The following RDH5 variants were observed in gnomAD, a reference collection of about 807,000 sequenced individuals.
The protein encoded by RDH5 is 11-cis RDH.
A neutral mutation model predicts 24.0 loss-of-function variants in RDH5; 25 were observed. The ratio of observed to expected loss-of-function variants is 1.04; its 90% CI spans 0.76 to 1.46. The LOEUF is 1.46. RDH5 is among the 40% of genes most tolerant of loss of function. The pLI, the probability that RDH5 is intolerant of heterozygous loss-of-function variation, is 0.00. For missense variants in RDH5, 369 were observed against 410.3 expected (o/e 0.90, Z 0.87); for synonymous variants, 170 against 175.2 (o/e 0.97, Z 0.23).
At chr12:55,723,657 C>A in intron 3 of RDH5, 1 of 558,370 alleles carries the variant, frequency 1.8e-6, no homozygotes, top group South Asian at 2.0e-5. Flanking sequence ...AACTCTCTGG[C>A]CCTTTAAGAA....
chr12:55,721,781 G>A lies in RDH5; in HGVS notation c.403G>A (p.Val135Met). Residue 135 changes from valine (V) to methionine (M), a missense_variant, in exon 3 of 5, where the codon GTG becomes ATG. Physicochemically the swap from Val to Met is conservative, Grantham distance 21. Transcript: ENST00000257895. The surrounding 1 kb of genome is among the most constrained non-coding windows in gnomAD (Gnocchi z 4.7). ...GGACGATTTCCAGCGGGTGCTGAATGTGAACACAATGGGTCCCATCGGGGT... is the reference window on the plus strand; with the variant it reads ...GGACGATTTCCAGCGGGTGCTGAATATGAACACAATGGGTCCCATCGGGGT... ...TRDDFQRVLN[V>M]NTMGPIGVTL... 6.2e-7 allele frequency: 1 copy of A among 1,614,052 alleles called. No individual in the cohort carries two copies. Among genetic ancestry groups the A allele is most frequent in the Non-Finnish European group, 8.5e-7 (1 of 1,180,030 alleles).
At position 55,721,656 on chromosome 12, in the gene RDH5, C is replaced by T. The variant is rs1876925607; in HGVS notation, c.311-33C>T. On this transcript the variant is annotated intron_variant, in intron 2 of 4. Transcript: ENST00000257895. The surrounding 1 kb of genome is among the most constrained non-coding windows in gnomAD (Gnocchi z 4.7). ...AAGAGGGAGCTGTGGGAGTGCCTCA[C>T]CTACCCCCAGCATCCTTTTCATCTC... 3.1e-6 allele frequency: 5 copies of T among 1,604,508 alleles called. No homozygotes were observed. The highest frequency in any genetic ancestry group is 4.2e-6 in the Non-Finnish European group (5 of 1,179,910).
In RDH5 at chr12:55,724,511, G is replaced by A. The variant is rs147986326; in HGVS notation, c.923G>A (p.Trp308Ter). The change falls in exon 5 of 5, where the codon TGG becomes TAG. Residue 308 changes from tryptophan to a stop codon, truncating the protein, a stop_gained. Transcript: ENST00000257895. LOFTEE classifies it high-confidence loss of function. ...AGCCTGGTGGATGCTGTGCTCACCT[G>A]GGTCCTTCCCAAGCCTGCCCAAGCA... is the stretch of plus-strand genomic sequence containing the variant. Reference protein sequence around the residue: ...PASLVDAVLTWVLPKPAQAVY With the variant: ...PASLVDAVLT 4 of 1,612,924 alleles carry A rather than the reference G, an allele frequency of 2.5e-6. No homozygotes were observed. Among genetic ancestry groups the A allele is most frequent in the Non-Finnish European group, 3.4e-6 (4 of 1,180,020 alleles).
At position 55,721,519 on chromosome 12, in the gene RDH5, T is replaced by C. The variant is rs753325541; in HGVS notation, c.310+25T>C. On this transcript the variant is annotated intron_variant, in intron 2 of 4. Transcript: ENST00000257895. The surrounding 1 kb of genome is among the most constrained non-coding windows in gnomAD (Gnocchi z 4.7). Reference sequence around the variant, plus strand: ...GGTAAGTATGGTAGACCACCAGGAATATGGTGTGGGGTGTCCTGATCCCCA... The same window carrying C: ...GGTAAGTATGGTAGACCACCAGGAACATGGTGTGGGGTGTCCTGATCCCCA... 6.2e-7 allele frequency: 1 copy of C among 1,601,822 alleles called. No individual in the cohort carries two copies.
chr12:55,723,537 C>T (rs1052810922), intron 3 of RDH5: 2 of 319,678 alleles, frequency 6.3e-6, no homozygotes, highest in Non-Finnish European at 6.1e-6. Context: ...CAGCTGCCTA[C>T]AAGCTGATAA....
chr12:55,721,816 CCTGCTGCCT>C lies in RDH5; in HGVS notation c.446_454del (p.Pro149_Leu151del), dbSNP rs1368490992. ...TGGGTCCCATCGGGGTCACCCTTGCCCTGCTGCCTCTGCTGCAGCAAGCCCGGGGCCGGG... is the reference window on the plus strand; with the variant it reads ...TGGGTCCCATCGGGGTCACCCTTGCCCTGCTGCAGCAAGCCCGGGGCCGGG... On this transcript the variant is annotated inframe_deletion, in exon 3 of 5. Transcript: ENST00000257895. The surrounding 1 kb of genome is among the most constrained non-coding windows in gnomAD (Gnocchi z 4.7). 1.2e-6 allele frequency: 2 copies of C among 1,613,938 alleles called. No individual in the cohort carries two copies. The highest frequency in any genetic ancestry group is 1.7e-6 in the Non-Finnish European group (2 of 1,180,018).
In RDH5 at chr12:55,721,117, C is replaced by T; in HGVS notation, c.-32-36C>T. ...GTATTAGGGGAAAGGGCTTGAGGGC[C>T]ACAGTAAACTGGACAAGTTTTTCTG... On this transcript the variant is annotated intron_variant, in intron 1 of 4. Transcript: ENST00000257895. The surrounding 1 kb of genome is among the most constrained non-coding windows in gnomAD (Gnocchi z 4.7). The T allele has an allele frequency of 1.4e-6, 2 of 1,439,582 alleles. No homozygotes were observed. The highest frequency in any genetic ancestry group is 2.0e-6 in the Non-Finnish European group (2 of 1,023,272). The allele number at this position is 1,439,582 out of a possible 1,614,324, so 89.2% of individuals were successfully genotyped here.
Position 55,721,382 on chromosome 12 carries a change from G to C in RDH5, c.198G>C (p.Glu66Asp), listed in dbSNP as rs550960524. 6.2e-7 allele frequency: 1 copy of C among 1,613,960 alleles called. No homozygotes were observed. The highest frequency in any genetic ancestry group is 2.2e-5 in the East Asian group (1 of 44,890). The change falls in exon 2 of 5, where the codon GAG becomes GAC. Residue 66 changes from glutamate to aspartate, a missense_variant. By Grantham distance (45) the Glu-to-Asp change is conservative. Coordinates refer to ENST00000257895, the MANE Select transcript of RDH5 (RefSeq NM_002905.5). This position sits in a 1 kb window ranked among gnomAD's most constrained non-coding sequence, Gnocchi z 4.7. ...LASCLTPSGA[E>D]DLQRVASSRL... is the part of the protein sequence containing the mutation. ...GCTGCCTGACCCCCTCCGGGGCCGA[G>C]GACCTGCAGCGGGTGGCCTCCTCCC... is the stretch of plus-strand genomic sequence containing the variant.
chr12:55,721,814 G>C lies in RDH5; in HGVS notation c.436G>C (p.Ala146Pro). The C allele has an allele frequency of 6.2e-7, 1 of 1,614,076 alleles. No homozygotes were observed. The highest frequency in any genetic ancestry group is 8.5e-7 in the Non-Finnish European group (1 of 1,180,020). ...NTMGPIGVTL[A>P]LLPLLQQARG... is the part of the protein sequence containing the mutation. The stretch of plus-strand genomic sequence containing the variant: ...AATGGGTCCCATCGGGGTCACCCTT[G>C]CCCTGCTGCCTCTGCTGCAGCAAGC... Residue 146 changes from alanine (A) to proline (P), a missense_variant, in exon 3 of 5, where the codon GCC becomes CCC. Physicochemically the swap from Ala to Pro is conservative, Grantham distance 27. Coordinates refer to ENST00000257895, the MANE Select transcript of RDH5 (RefSeq NM_002905.5). The surrounding 1 kb of genome is among the most constrained non-coding windows in gnomAD (Gnocchi z 4.7).
At chr12:55,722,689 C>T (rs1054796401) in intron 3 of RDH5, 1 of 151,954 alleles carries the variant, frequency 6.6e-6, no homozygotes, top group African/African-American at 2.4e-5. Flanking sequence ...GCACGTGCCA[C>T]CACTCCCAGC....
intron 4 of RDH5, 60 bp from the exon 5 acceptor site, chr12:55,724,262 T>G: frequency 1.3e-6 from 2 of 1,588,742 alleles, no homozygotes; most frequent in Non-Finnish European, 1.7e-6. Context: ...CAGAAGACAG[T>G]ACCTAAGATG....
In RDH5 at chr12:55,721,245, C is replaced by G. The variant is rs749791034; in HGVS notation, c.61C>G (p.Arg21Gly). Residue 21 changes from arginine to glycine, a missense_variant, in exon 2 of 5, where the codon CGG (arginine) becomes GGG (glycine). Physicochemically the swap from Arg to Gly is moderately radical, Grantham distance 125. Transcript: ENST00000257895. The surrounding 1 kb of genome is among the most constrained non-coding windows in gnomAD (Gnocchi z 4.7). ...GGCAGTGCTGTGGTTGCTCAGGGACCGGCAGAGCCTGCCCGCCAGCAATGC... is the reference window on the plus strand; with the variant it reads ...GGCAGTGCTGTGGTTGCTCAGGGACGGGCAGAGCCTGCCCGCCAGCAATGC... Reference protein sequence around the residue: ...LWAVLWLLRDRQSLPASNAFV... With the variant: ...LWAVLWLLRDGQSLPASNAFV... The G allele has an allele frequency of 1.2e-6, 2 of 1,613,994 alleles. No individual in the cohort carries two copies. The highest frequency in any genetic ancestry group is 2.2e-5 in the South Asian group (2 of 91,082).
In RDH5 at chr12:55,724,050, G is replaced by A. The variant is rs987261718; in HGVS notation, c.733+1G>A. On this transcript the variant is annotated splice_donor_variant, in intron 4 of 4. Coordinates refer to ENST00000257895, the MANE Select transcript of RDH5 (RefSeq NM_002905.5). LOFTEE classifies it high-confidence loss of function. Reference sequence around the variant, plus strand: ...TATGGGGGGGCCTTCCTCACCAAGTGTGAGTAGCCAGGCCCACACAGGGGC... The same window carrying A: ...TATGGGGGGGCCTTCCTCACCAAGTATGAGTAGCCAGGCCCACACAGGGGC... 1.6e-5 allele frequency: 26 copies of A among 1,608,664 alleles called. No homozygotes were observed. Among genetic ancestry groups the A allele is most frequent in the Non-Finnish European group, 2.1e-5 (25 of 1,179,454 alleles).
chr12:55,724,620 C>A lies in RDH5; in HGVS notation c.*75C>A. 2.3e-6 allele frequency: 3 copies of A among 1,316,244 alleles called. No individual in the cohort carries two copies. Among genetic ancestry groups the A allele is most frequent in the Non-Finnish European group, 2.2e-6 (2 of 927,534 alleles). The allele number at this position is 1,316,244 out of a possible 1,614,324, so 81.5% of individuals were successfully genotyped here. A position where few individuals can be genotyped will look rare whatever the true frequency, so the allele number is the denominator to read the frequency against. ...TATTTCTGCCCCCACCCTGGTACTG[C>A]CTGGTGCCTGCCACAAAATAAGCAC... On this transcript the variant is annotated 3_prime_UTR_variant, in exon 5 of 5. Coordinates refer to ENST00000257895, the MANE Select transcript of RDH5 (RefSeq NM_002905.5).
Position 55,721,858 on chromosome 12 carries a change from C to T in RDH5, c.480C>T (p.Asn160=), listed in dbSNP as rs201493419. 54 of 1,614,080 alleles carry T rather than the reference C, an allele frequency of 3.3e-5. No homozygotes were observed. The African/African-American group carries it at 6.5e-4, about 20-fold the overall frequency. The change falls in exon 3 of 5, where the codon AAC becomes AAT. Residue 160 remains asparagine (N), a synonymous_variant. Transcript: ENST00000257895. This position sits in a 1 kb window ranked among gnomAD's most constrained non-coding sequence, Gnocchi z 4.7. ...AGCAAGCCCGGGGCCGGGTGATCAA[C>T]ATCACCAGCGTCCTGGGTCGCCTGG... ...LLQQARGRVI[N]ITSVLGRLAA...
chr12:55,722,114 C>A (rs1339286903), intron 3 of RDH5, 167 bp downstream of exon 3: 2 of 679,166 alleles, frequency 2.9e-6, no homozygotes, highest in Non-Finnish European at 4.9e-6. Context: ...GCTTTGTGAC[C>A]ATAAGTAGAT....
At position 55,721,889 on chromosome 12, in the gene RDH5, A is replaced by G; in HGVS notation, c.511A>G (p.Asn171Asp). 6.2e-7 allele frequency: 1 copy of G among 1,613,796 alleles called. No individual in the cohort carries two copies. Among genetic ancestry groups the G allele is most frequent in the Non-Finnish European group, 8.5e-7 (1 of 1,179,898 alleles). The change falls in exon 3 of 5, where the codon AAT becomes GAT. Residue 171 changes from asparagine to aspartate, a missense_variant. Asn to Asp is a conservative substitution (Grantham distance 23). Transcript: ENST00000257895. This position sits in a 1 kb window ranked among gnomAD's most constrained non-coding sequence, Gnocchi z 4.7. ...ITSVLGRLAA[N>D]GGGYCVSKFG... is the part of the protein sequence containing the mutation. ...CAGCGTCCTGGGTCGCCTGGCAGCC[A>G]ATGGTGGGGGCTACTGTGTCTCCAA...
rs750803856 is a variant in RDH5 at position 55,721,725 on chromosome 12, G to C, written c.347G>C (p.Gly116Ala). The C allele has an allele frequency of 1.2e-6, 2 of 1,613,206 alleles. No homozygotes were observed. Among genetic ancestry groups the C allele is most frequent in the Non-Finnish European group, 1.7e-6 (2 of 1,180,026 alleles). The change falls in exon 3 of 5, where the codon GGT (glycine) becomes GCT (alanine). Residue 116 changes from glycine (G) to alanine (A), a missense_variant. Gly to Ala is a moderately conservative substitution (Grantham distance 60). Coordinates refer to ENST00000257895, the MANE Select transcript of RDH5 (RefSeq NM_002905.5). The surrounding 1 kb of genome is among the most constrained non-coding windows in gnomAD (Gnocchi z 4.7). ...CTGGTGAATAATGCTGGTGTGGCTG[G>C]TATCATCGGACCCACACCATGGCTG... ...FGLVNNAGVA[G>A]IIGPTPWLTR...
chr12:55,721,286 C>A lies in RDH5; in HGVS notation c.102C>A (p.Thr34=). 4 of 1,614,096 alleles carry A rather than the reference C, an allele frequency of 2.5e-6. No individual in the cohort carries two copies. The highest frequency in any genetic ancestry group is 3.4e-6 in the Non-Finnish European group (4 of 1,180,032). The change falls in exon 2 of 5, where the codon ACC becomes ACA. Residue 34 remains threonine, a synonymous_variant. Transcript: ENST00000257895. This position sits in a 1 kb window ranked among gnomAD's most constrained non-coding sequence, Gnocchi z 4.7. ...LPASNAFVFI[T]GCDSGFGRLL... is the part of the protein sequence containing the mutation. ...CCAGCAATGCCTTTGTCTTCATCAC[C>A]GGCTGTGACTCAGGCTTTGGGCGCC... is the stretch of plus-strand genomic sequence containing the variant.
Sources: gnomAD v4.1 joint callset for allele counts on GRCh38, gnomAD v4.1.1 for gene constraint, Gnocchi (gnomAD v3.1) non-coding constraint, MANE v1.5 for transcripts, NCBI Gene and HGNC (gene_info 2026-07-23, HGNC 2026-07-21) for gene names.